The following TMEM214 variants were observed in gnomAD, a reference collection of about 807,000 sequenced individuals.
TMEM214 encodes transmembrane protein 214.
In TMEM214, 71 loss-of-function variants were observed where a neutral mutation model predicts 89.8. The observed-to-expected ratio is 0.79, with a 90% CI of 0.65 to 0.96. The LOEUF is 0.96. Among genes scored for constraint, TMEM214 ranks in the 40% least tolerant of loss-of-function variants. The pLI is 0.00. For missense variants in TMEM214, 754 were observed against 843.4 expected, an observed-to-expected ratio of 0.89 and a Z score of 1.31; for synonymous variants, 332 against 349.5, an observed-to-expected ratio of 0.95 and a Z score of 0.56.
chr2:27,034,139 A>G lies in TMEM214; in HGVS notation c.224A>G (p.Gln75Arg). 6.2e-7 allele frequency: 1 copy of G among 1,614,194 alleles called. No individual in the cohort carries two copies. The highest frequency in any genetic ancestry group is 1.1e-5 in the South Asian group (1 of 91,084). The change falls in exon 2 of 17, where the codon CAG becomes CGG. Residue 75 changes from glutamine (Q) to arginine (R), a missense_variant. Physicochemically the swap from Gln to Arg is conservative, Grantham distance 43 (BLOSUM62 1). Coordinates refer to ENST00000238788, the MANE Select transcript of TMEM214 (RefSeq NM_017727.5). The part of the protein sequence containing the change: ...ENIMKRQNKE[Q>R]VPPPAVEPKK... ...ATCATGAAGCGGCAGAATAAGGAGC[A>G]GGTCCCACCCCCTGCTGTGGAACCT... is the stretch of plus-strand genomic sequence containing the variant.
rs2148246508 is a variant in TMEM214, at chr2:27,038,332, G to A, written c.1244+95G>A. The A allele has an allele frequency of 6.5e-7, 1 of 1,548,014 alleles. No homozygotes were observed. Among genetic ancestry groups the A allele is most frequent in the Non-Finnish European group, 8.9e-7 (1 of 1,123,728 alleles). The stretch of plus-strand genomic sequence containing the variant: ...GGCCTGACACCTTTCAGGCTGAGTG[G>A]GAACATTGCTGGAGCAGCCTCTAGG... On this transcript the variant is annotated intron_variant, in intron 10 of 16. Coordinates refer to ENST00000238788, the MANE Select transcript of TMEM214 (RefSeq NM_017727.5). The surrounding 1 kb of genome is among the most constrained non-coding windows in gnomAD (Gnocchi z 4.4).
rs1558400825 is a variant in TMEM214 at position 27,039,846 on chromosome 2, C to T, written c.1622+9C>T. ...AGTCTGCAAGGCTACAGGTGAGCTC[C>T]TCCCAGGGAGGGGAGAGGAGAGGCA... On this transcript the variant is annotated intron_variant, in intron 14 of 16. Transcript: ENST00000238788. 3 of 1,613,956 alleles carry T rather than the reference C, an allele frequency of 1.9e-6. No individual in the cohort carries two copies. The highest frequency in any genetic ancestry group is 1.7e-5 in the Admixed American group (1 of 60,008).
chr2:27,038,875 C>G lies in TMEM214; in HGVS notation c.1407+60C>G. The G allele has an allele frequency of 6.6e-7, 1 of 1,519,746 alleles. No individual in the cohort carries two copies. The highest frequency in any genetic ancestry group is 9.1e-7 in the Non-Finnish European group (1 of 1,099,362). 94.1% of individuals were successfully genotyped at this position (1,519,746 alleles called of 1,614,324 possible). Reference sequence around the variant, plus strand: ...ATCTTACATCTCTGTCTCAGCACACCTGGGTTGGGCCTGTATCACATTCCT... The same window carrying G: ...ATCTTACATCTCTGTCTCAGCACACGTGGGTTGGGCCTGTATCACATTCCT... On this transcript the variant is annotated intron_variant, in intron 12 of 16. Coordinates refer to ENST00000238788, the MANE Select transcript of TMEM214 (RefSeq NM_017727.5). The surrounding 1 kb of genome is among the most constrained non-coding windows in gnomAD (Gnocchi z 4.4).
intron 9 of TMEM214, 174 bp downstream of exon 9, chr2:27,037,876 A>G: frequency 6.4e-7 from 1 of 1,555,634 alleles, no homozygotes; most frequent in South Asian, 1.2e-5. Flanking sequence ...ATGGATCCCA[A>G]GAGACAGCAC....
chr2:27,037,167 C>T lies in TMEM214; in HGVS notation c.999C>T (p.Ser333=), dbSNP rs1211489663. ...LLDFAYMPNN[S]LTPSLQEQLC... ...ACTTTGCCTATATGCCGAACAACTCCCTGACACCCAGGTAGGACTGCTCTG... is the reference window on the plus strand; with the variant it reads ...ACTTTGCCTATATGCCGAACAACTCTCTGACACCCAGGTAGGACTGCTCTG... The change falls in exon 8 of 17, where the codon TCC becomes TCT. Residue 333 remains serine (S), a synonymous_variant. Coordinates refer to ENST00000238788, the MANE Select transcript of TMEM214 (RefSeq NM_017727.5). The T allele has an allele frequency of 6.2e-7, 1 of 1,613,616 alleles. No homozygotes were observed. Among genetic ancestry groups the T allele is most frequent in the Non-Finnish European group, 8.5e-7 (1 of 1,179,734 alleles).
At position 27,034,552 on chromosome 2, in the gene TMEM214, C is replaced by G. The variant is rs182255953; in HGVS notation, c.351+286C>G. On this transcript the variant is annotated intron_variant, in intron 2 of 16. Coordinates refer to ENST00000238788, the MANE Select transcript of TMEM214 (RefSeq NM_017727.5). ...GGAGAAACTGGTTATGATTCTCTGT[C>G]CTATGGAAATACTGATCTTTCATTT... 1.3e-4 allele frequency: 53 copies of G among 403,924 alleles called. No homozygotes were observed. In the East Asian group the frequency reaches 2.5e-3, roughly 19 times the overall value. 25.0% of individuals were successfully genotyped at this position (403,924 alleles called of 1,614,324 possible).
intron 2 of TMEM214, chr2:27,034,597 T>C (rs1667464079): frequency 4.0e-6 from 1 of 250,610 alleles, no homozygotes; most frequent in Non-Finnish European, 7.5e-6. Flanking sequence ...TCCTCTGTTT[T>C]CCTCTTTTTT....
intron 7 of TMEM214, 84 bp downstream of exon 7, chr2:27,036,870 C>A: frequency 1.4e-6 from 2 of 1,421,776 alleles, no homozygotes; most frequent in South Asian, 1.1e-5. Flanking sequence ...TGATCTTGGT[C>A]TCCATGGATA....
At chr2:27,036,427 TG>T (rs984903907) in intron 5 of TMEM214, 59 bp from the exon 6 acceptor site, 20 of 1,390,956 alleles carry the variant, frequency 1.4e-5, no homozygotes, top group African/African-American at 4.3e-5. Context: ...CTCCTGGCTT[TG>T]GGGGGTGCTC....
intron 13 of TMEM214, 70 bp downstream of exon 13, chr2:27,039,234 C>G: frequency 1.6e-6 from 2 of 1,280,300 alleles, no homozygotes; most frequent in Non-Finnish European, 1.1e-6. Context: ...CACCACCACC[C>G]CGCCCCCAGC....
intron 2 of TMEM214, 184 bp downstream of exon 2, chr2:27,034,450 G>T (rs370867845): frequency 9.1e-6 from 6 of 659,286 alleles, no homozygotes; most frequent in African/African-American, 3.6e-5. Flanking sequence ...AGAATAGAAA[G>T]GAAATGGAAA....
rs1394984627 is a variant in TMEM214 at position 27,034,150 on chromosome 2, C to G, written c.235C>G (p.Pro79Ala). Residue 79 changes from proline (P) to alanine (A), a missense_variant, in exon 2 of 17, where the codon CCT becomes GCT. Pro to Ala is a conservative substitution (Grantham distance 27, BLOSUM62 -1). Transcript: ENST00000238788. ...KRQNKEQVPP[P>A]AVEPKKPGNK... is the part of the protein sequence containing the mutation. ...GCAGAATAAGGAGCAGGTCCCACCC[C>G]CTGCTGTGGAACCTAAGAAACCAGG... 6.2e-7 allele frequency: 1 copy of G among 1,614,100 alleles called. No individual in the cohort carries two copies. The highest frequency in any genetic ancestry group is 2.2e-5 in the East Asian group (1 of 44,868).
intron 4 of TMEM214, 83 bp from the exon 5 acceptor site, chr2:27,035,887 T>G: frequency 6.3e-7 from 1 of 1,582,412 alleles, no homozygotes; most frequent in Non-Finnish European, 8.7e-7. Context: ...ACCTGGGGCC[T>G]GGGCTCACCG....
At chr2:27,040,577 TCTCCCACACTGTCCTGCCCCTCG>T in intron 16 of TMEM214, 81 bp downstream of exon 16, 1 of 1,586,866 alleles carries the variant, frequency 6.3e-7, no homozygotes. Context: ...CTCTATCCAG[TCTCCCACACTGTCCTGCCCCTCG>T]CTCCCATTCC....
chr2:27,036,579 C>A lies in TMEM214; in HGVS notation c.813C>A (p.Thr271=). 6.2e-7 allele frequency: 1 copy of A among 1,614,098 alleles called. No individual in the cohort carries two copies. The highest frequency in any genetic ancestry group is 8.5e-7 in the Non-Finnish European group (1 of 1,179,988). ...GTCAAGCAGGTTTTGCCAACCTCAC[C>A]GAGGGACTGAAAGGTAACAGGGAAA... ...ALGQAGFANL[T]EGLKVWLGIM... Residue 271 remains threonine (T), a synonymous_variant, in exon 6 of 17, where the codon ACC becomes ACA. Coordinates refer to ENST00000238788, the MANE Select transcript of TMEM214 (RefSeq NM_017727.5).
intron 13 of TMEM214, 41 bp from the exon 14 acceptor site, chr2:27,039,700 C>T (rs745981420): frequency 5.8e-6 from 9 of 1,550,624 alleles, no homozygotes; most frequent in Admixed American, 1.7e-5. Flanking sequence ...CAGTCCCTGC[C>T]CCTCTCACCT....
Position 27,034,096 on chromosome 2 carries a change from G to C in TMEM214, c.181G>C (p.Glu61Gln). The change falls in exon 2 of 17, where the codon GAG (glutamate) becomes CAG (glutamine). Residue 61 changes from glutamate (E) to glutamine (Q), a missense_variant. Glu to Gln is a conservative substitution (Grantham distance 29). Coordinates refer to ENST00000238788, the MANE Select transcript of TMEM214 (RefSeq NM_017727.5). ...AATCCAGACCACAAGCACCCTTTAT[G>C]AGCGGGGCTTTGAGAATATCATGAA... Reference protein sequence around the residue: ...PAIQTTSTLYERGFENIMKRQ... With the variant: ...PAIQTTSTLYQRGFENIMKRQ... 6.2e-7 allele frequency: 1 copy of C among 1,614,132 alleles called. No individual in the cohort carries two copies. Among genetic ancestry groups the C allele is most frequent in the South Asian group, 1.1e-5 (1 of 91,062 alleles).
chr2:27,033,456 G>T (rs1667417697), intron 1 of TMEM214, among the ~76,000 whole-genome samples: 1 of 152,218 alleles, frequency 6.6e-6, no homozygotes, highest in Non-Finnish European at 1.5e-5. Context: ...CACTCTCCCA[G>T]CTGCCCAGGG....
chr2:27,033,112 A>G lies in TMEM214; in HGVS notation c.97A>G (p.Arg33Gly). ...CGGCGCCGGCGGCCGAGGAGGCGGCAGGAACCGCAGGGCGCTCGGGGAAGC... is the reference window on the plus strand; with the variant it reads ...CGGCGCCGGCGGCCGAGGAGGCGGCGGGAACCGCAGGGCGCTCGGGGAAGC... ...GAGAGGRGGG[R>G]NRRALGEANG... Residue 33 changes from arginine to glycine, a missense_variant, in exon 1 of 17, where the codon AGG becomes GGG. Physicochemically the swap from Arg to Gly is moderately radical, Grantham distance 125. Transcript: ENST00000238788. The G allele has an allele frequency of 8.3e-7, 1 of 1,206,660 alleles. No homozygotes were observed. The highest frequency in any genetic ancestry group is 4.2e-5 in the South Asian group (1 of 23,960). 74.7% of individuals were successfully genotyped at this position (1,206,660 alleles called of 1,614,324 possible).
Sources: allele counts gnomAD v4.1 joint callset (sites outside exome capture counted in the v4.1 genomes callset), GRCh38; gene constraint gnomAD v4.1.1; non-coding constraint Gnocchi (gnomAD v3.1); transcripts MANE v1.5; gene names NCBI Gene and HGNC (gene_info 2026-07-23, HGNC 2026-07-21).